The following QTMAN variants were observed in gnomAD, a reference collection of about 807,000 sequenced individuals.
The protein encoded by QTMAN is tRNA-queuosine alpha-mannosyltransferase.
At chr2:144,244,091 C>A in the QTMAN span, among the ~76,000 whole-genome samples, 14 of 152,190 alleles carry the variant, frequency 9.2e-5, no homozygotes, top group African/African-American at 3.4e-4. Flanking sequence ...TCAAAGGTTT[C>A]TCTTTATTTC....
chr2:143,947,195 G>C, the QTMAN span: 7 of 1,224,850 alleles, frequency 5.7e-6, no homozygotes, highest in Non-Finnish European at 8.4e-6. Context: ...ACTAAAAGAT[G>C]AAAGTATGCT....
At chr2:144,050,636 T>C in the QTMAN span, among the ~76,000 whole-genome samples, 2 of 152,202 alleles carry the variant, frequency 1.3e-5, no homozygotes. Flanking sequence ...ATTTTTTCCT[T>C]CATTCTTGTT....
the QTMAN span, among the ~76,000 whole-genome samples, chr2:144,093,683 G>C: frequency 6.6e-6 from 1 of 152,172 alleles, no homozygotes; most frequent in Non-Finnish European, 1.5e-5. Flanking sequence ...ACATGGACCT[G>C]AAAGTAGTTA....
the QTMAN span, among the ~76,000 whole-genome samples, chr2:144,043,776 G>A: frequency 2.0e-5 from 3 of 152,134 alleles, no homozygotes; most frequent in African/African-American, 7.2e-5. Context: ...TTTGAGAGAG[G>A]TTGCTTAAAA....
the QTMAN span, among the ~76,000 whole-genome samples, chr2:143,954,413 C>T: frequency 1.3e-5 from 2 of 151,916 alleles, no homozygotes; most frequent in East Asian, 1.9e-4. Context: ...GTATTCTGTT[C>T]CCCGAAAGAA....
At chr2:143,971,985 A>G in the QTMAN span, among the ~76,000 whole-genome samples, 1 of 152,180 alleles carries the variant, frequency 6.6e-6, no homozygotes, top group Non-Finnish European at 1.5e-5. Flanking sequence ...TGAAATTGTA[A>G]TATCTTACAG....
the QTMAN span, among the ~76,000 whole-genome samples, chr2:144,072,482 C>T: frequency 6.6e-6 from 1 of 152,208 alleles, no homozygotes; most frequent in Non-Finnish European, 1.5e-5. Flanking sequence ...TTCTCATTTA[C>T]TAAGACTCAG....
the QTMAN span, among the ~76,000 whole-genome samples, chr2:144,234,999 G>A: frequency 6.6e-6 from 1 of 152,148 alleles, no homozygotes; most frequent in Non-Finnish European, 1.5e-5. Flanking sequence ...GGCTGGTAAG[G>A]GTAAGTCTGC....
At chr2:144,091,373 A>G in the QTMAN span, among the ~76,000 whole-genome samples, 1 of 152,230 alleles carries the variant, frequency 6.6e-6, no homozygotes, top group Non-Finnish European at 1.5e-5. Context: ...AAGGTTACTC[A>G]GATACAATAA....
chr2:144,023,012 A>G, the QTMAN span, among the ~76,000 whole-genome samples: 1 of 152,154 alleles, frequency 6.6e-6, no homozygotes, highest in South Asian at 2.1e-4. Flanking sequence ...TATTTCTTAT[A>G]CCATTATTTT....
At chr2:144,214,985 G>A in the QTMAN span, among the ~76,000 whole-genome samples, 2 of 152,138 alleles carry the variant, frequency 1.3e-5, no homozygotes, top group African/African-American at 2.4e-5. Flanking sequence ...GCTCATGCCT[G>A]TAATCCTAGC....
At chr2:144,054,467 G>C in the QTMAN span, among the ~76,000 whole-genome samples, 1 of 152,084 alleles carries the variant, frequency 6.6e-6, no homozygotes, top group Admixed American at 6.6e-5. Context: ...AGGTTAAGTG[G>C]GTGAGCCTGA....
chr2:143,953,176 C>T, the QTMAN span, among the ~76,000 whole-genome samples: 1 of 151,714 alleles, frequency 6.6e-6, no homozygotes, highest in Admixed American at 6.6e-5. Flanking sequence ...AAAGTATGGA[C>T]AGCTTTTCTT....
the QTMAN span, among the ~76,000 whole-genome samples, chr2:144,275,925 T>C: frequency 6.6e-6 from 1 of 152,180 alleles, no homozygotes; most frequent in African/African-American, 2.4e-5. Flanking sequence ...TCTCGCTAAC[T>C]ATAACAGGGA....
chr2:144,107,362 A>C, the QTMAN span, among the ~76,000 whole-genome samples: 14 of 152,202 alleles, frequency 9.2e-5, no homozygotes, highest in African/African-American at 3.1e-4. Context: ...ACTGCTAGCA[A>C]GACTAATAAA....
the QTMAN span, among the ~76,000 whole-genome samples, chr2:144,050,157 T>C: frequency 6.6e-6 from 1 of 152,176 alleles, no homozygotes; most frequent in Non-Finnish European, 1.5e-5. Context: ...GTATTTTTGT[T>C]TCTCTGCTGA....
At chr2:144,283,478 C>T in the QTMAN span, among the ~76,000 whole-genome samples, 12 of 151,966 alleles carry the variant, frequency 7.9e-5, no homozygotes, top group African/African-American at 2.9e-4. Flanking sequence ...TCTGACAGAC[C>T]TCGGAGGGAG....
chr2:144,260,870 T>C, the QTMAN span, among the ~76,000 whole-genome samples: 2 of 151,878 alleles, frequency 1.3e-5, no homozygotes, highest in East Asian at 1.9e-4. Flanking sequence ...TGTAATACAG[T>C]AGATATAAGA....
chr2:144,108,379 C>A, the QTMAN span, among the ~76,000 whole-genome samples: 2 of 152,332 alleles, frequency 1.3e-5, no homozygotes, highest in South Asian at 2.1e-4. Context: ...GTTGCTCATG[C>A]CTGTAATCCC....
Sources: allele counts gnomAD v4.1 joint callset (sites outside exome capture counted in the v4.1 genomes callset), GRCh38; gene constraint gnomAD v4.1.1; transcripts MANE v1.5; gene names NCBI Gene and HGNC (gene_info 2026-07-23, HGNC 2026-07-21).